The following ESRRG variants were observed in gnomAD, a reference collection of about 807,000 sequenced individuals.
ESRRG encodes estrogen-related receptor gamma.
In ESRRG, 13 loss-of-function variants were observed where a neutral mutation model predicts 44.0. That is an observed-to-expected ratio of 0.30 (90% confidence interval 0.19 to 0.47). The LOEUF (loss-of-function observed/expected upper bound fraction) is 0.47. ESRRG is among the 20% of genes least tolerant of loss of function. ESRRG has a pLI of 1.00. For synonymous variants in ESRRG, 215 were observed against 214.6 expected, an observed-to-expected ratio of 1.00 and a Z score of -0.02; for missense variants, 395 against 580.6, an observed-to-expected ratio of 0.68 and a Z score of 3.29.
intron 2 of ESRRG, among the ~76,000 whole-genome samples, chr1:216,769,587 G>T (rs11117671): frequency 0.3 from 46,098 of 151,892 alleles, 7,753 homozygotes; most frequent in African/African-American, 0.46. Context: ...TCACATGTAA[G>T]TTGACCAGGA....
At chr1:216,762,576 G>T (rs940136143) in intron 2 of ESRRG, among the ~76,000 whole-genome samples, 38 of 135,340 alleles carry the variant, frequency 2.8e-4, no homozygotes, top group Non-Finnish European at 5.6e-4. Context: ...GAGTGGGGAG[G>T]GATAGCATTG....
chr1:216,966,140 C>T (rs1050482853), intron 1 of ESRRG, among the ~76,000 whole-genome samples: 1 of 152,184 alleles, frequency 6.6e-6, no homozygotes, highest in East Asian at 1.9e-4. Flanking sequence ...ATTCATGGTA[C>T]CTGGGTCTCC....
At chr1:216,742,537 TC>T (rs1343547873) in intron 2 of ESRRG, among the ~76,000 whole-genome samples, 1 of 152,102 alleles carries the variant, frequency 6.6e-6, no homozygotes, top group Non-Finnish European at 1.5e-5. Flanking sequence ...AGTAAATATT[TC>T]TTTAATGATT....
At chr1:216,604,984 G>A (rs1393815488) in intron 3 of ESRRG, among the ~76,000 whole-genome samples, 1 of 152,142 alleles carries the variant, frequency 6.6e-6, no homozygotes, top group Non-Finnish European at 1.5e-5. Flanking sequence ...ATGGACAGGT[G>A]GATGGAAGGA....
intron 2 of ESRRG, among the ~76,000 whole-genome samples, chr1:216,870,891 A>G (rs746956650): frequency 2.6e-5 from 4 of 151,700 alleles, no homozygotes; most frequent in Non-Finnish European, 5.9e-5. Context: ...TTCTTTGTCA[A>G]TCTTGCCAGA....
At chr1:217,087,440 C>A (rs979676049) in intron 1 of ESRRG, among the ~76,000 whole-genome samples, 20 of 152,140 alleles carry the variant, frequency 1.3e-4, no homozygotes, top group South Asian at 6.2e-4. Flanking sequence ...CTCTTGGTAA[C>A]CTTTTAATTT....
chr1:216,682,342 G>A (rs1236480467), intron 1 of ESRRG, among the ~76,000 whole-genome samples: 1 of 152,028 alleles, frequency 6.6e-6, no homozygotes, highest in Non-Finnish European at 1.5e-5. Context: ...AATTAAAGAA[G>A]TTAACACAAT....
At chr1:216,690,625 A>G (rs1025785385) in intron 1 of ESRRG, among the ~76,000 whole-genome samples, 5 of 152,156 alleles carry the variant, frequency 3.3e-5, no homozygotes, top group African/African-American at 7.2e-5. Context: ...TCTAAAAAAA[A>G]TTTTAAACAA....
At chr1:217,020,662 G>A (rs1205037943) in intron 1 of ESRRG, among the ~76,000 whole-genome samples, 3 of 152,114 alleles carry the variant, frequency 2.0e-5, no homozygotes, top group African/African-American at 4.8e-5. Context: ...GAAGTGAAAT[G>A]GGACAGAGGA....
intron 2 of ESRRG, among the ~76,000 whole-genome samples, chr1:216,652,722 A>C (rs1321258207): frequency 6.6e-6 from 1 of 152,186 alleles, no homozygotes; most frequent in African/African-American, 2.4e-5. Context: ...TGGCCGGGTC[A>C]CAGCTAAGAA....
chr1:216,611,169 C>CTCTA (rs2060603560), intron 3 of ESRRG, among the ~76,000 whole-genome samples: 1 of 135,760 alleles, frequency 7.4e-6, no homozygotes, highest in South Asian at 2.4e-4. Flanking sequence ...TGCCAATGCA[C>CTCTA]TCTAGCCTGG....
intron 1 of ESRRG, among the ~76,000 whole-genome samples, chr1:217,042,514 A>ACACT (rs1491028560): frequency 7.0e-6 from 1 of 142,220 alleles, no homozygotes; most frequent in Non-Finnish European, 1.5e-5. Context: ...ACACACACAC[A>ACACT]CTGCATGTGC....
chr1:216,560,632 G>A (rs998225138), intron 5 of ESRRG, among the ~76,000 whole-genome samples: 12 of 152,196 alleles, frequency 7.9e-5, no homozygotes, highest in East Asian at 1.9e-4. Context: ...GCTGATAATC[G>A]TCTTATCACA....
At position 216,691,225 on chromosome 1, in the gene ESRRG, G is replaced by T. The variant is rs146876051; in HGVS notation, c.57-13734C>A. Among the ~76,000 whole-genome samples, 777 of 152,146 alleles carry T rather than the reference G, an allele frequency of 5.1e-3. 12 individuals carry two copies. Among genetic ancestry groups the T allele is most frequent in the African/African-American group, 0.018 (747 of 41,532 alleles). ...AGAAAAATGCAGGATTTAGGAAGTAGAAATAAGAAAAAGAGGATAGTCATT... is the reference window on the plus strand; with the variant it reads ...AGAAAAATGCAGGATTTAGGAAGTATAAATAAGAAAAAGAGGATAGTCATT... On this transcript the variant is annotated intron_variant, in intron 1 of 6. Coordinates refer to ENST00000408911, the MANE Select transcript of ESRRG (RefSeq NM_001438.4).
intron 2 of ESRRG, among the ~76,000 whole-genome samples, chr1:216,830,410 T>C (rs1412238783): frequency 6.6e-6 from 1 of 152,182 alleles, no homozygotes; most frequent in African/African-American, 2.4e-5. Context: ...GTCCTTTCTG[T>C]AGTTAGTGTG....
intron 5 of ESRRG, among the ~76,000 whole-genome samples, chr1:216,543,247 T>C (rs1200008682): frequency 6.6e-6 from 1 of 152,080 alleles, no homozygotes; most frequent in Non-Finnish European, 1.5e-5. Context: ...GTTTGGATTG[T>C]AGTATTGTTT....
intron 1 of ESRRG, among the ~76,000 whole-genome samples, chr1:216,719,190 A>T (rs564098357): frequency 3.9e-4 from 59 of 152,130 alleles, no homozygotes; most frequent in African/African-American, 1.4e-3. Flanking sequence ...TTTGTCTGTA[A>T]TTCTTGCAGG....
chr1:216,630,982 T>A (rs1181110407), intron 3 of ESRRG, among the ~76,000 whole-genome samples: 3 of 152,134 alleles, frequency 2.0e-5, no homozygotes, highest in Admixed American at 6.5e-5. Flanking sequence ...TTTCTTTTTT[T>A]AAATATACAT....
chr1:216,984,676 C>T (rs1304504936), intron 1 of ESRRG, among the ~76,000 whole-genome samples: 2 of 152,134 alleles, frequency 1.3e-5, no homozygotes, highest in Non-Finnish European at 2.9e-5. Flanking sequence ...TGTTTCTAGG[C>T]TACATGCTAG....
Sources: gnomAD v4.1 joint callset for allele counts (sites outside exome capture counted in the v4.1 genomes callset) on GRCh38, gnomAD v4.1.1 for gene constraint, MANE v1.5 for transcripts, NCBI Gene and HGNC (gene_info 2026-07-23, HGNC 2026-07-21) for gene names.